The following MALRD1 variants were observed in gnomAD, a reference collection of about 807,000 sequenced individuals.
MALRD1 encodes MAM and LDL receptor class A domain containing 1, also known as MAM and LDL-receptor class A domain-containing protein 1.
MALRD1 carries 247 observed loss-of-function variants against 242.1 expected under a neutral mutation model. That is an observed-to-expected ratio of 1.02 (90% CI 0.92 to 1.13). The LOEUF (loss-of-function observed/expected upper bound fraction) is 1.13, where lower values mean the gene tolerates loss of function less well. MALRD1 is among the 50% of genes most tolerant of loss of function. MALRD1 has a pLI of 0.00. For synonymous variants in MALRD1, 995 were observed against 866.6 expected, an observed-to-expected ratio of 1.15 and a Z score of -2.60; for missense variants, 2,989 against 2,533.1, an observed-to-expected ratio of 1.18 and a Z score of -3.86.
Position 19,567,762 on chromosome 10 carries a change from A to C in MALRD1, c.5680+59A>C, listed in dbSNP as rs766879088. 257 of 1,407,400 alleles carry C rather than the reference A, an allele frequency of 1.8e-4. 1 individual carries two copies. Among genetic ancestry groups the C allele is most frequent in the Non-Finnish European group, 2.2e-4 (222 of 1,025,820 alleles). The allele number at this position is 1,407,400 out of a possible 1,614,324, so 87.2% of individuals were successfully genotyped here. ...TTTGTTTTTAGTATCTAAATATACT[A>C]AAGATTTGGGAATTTCTGAGGAATT... On this transcript the variant is annotated intron_variant, in intron 33 of 39. Transcript: ENST00000454679.
intron 29 of MALRD1, among the ~76,000 whole-genome samples, chr10:19,489,931 G>A (rs1390937328): frequency 6.6e-6 from 1 of 152,170 alleles, no homozygotes; most frequent in Non-Finnish European, 1.5e-5. Flanking sequence ...TTACTGTGCT[G>A]TGAAAGGTCA....
intron 7 of MALRD1, among the ~76,000 whole-genome samples, chr10:19,125,299 T>A (rs1228566748): frequency 0.011 from 554 of 50,252 alleles, 6 homozygotes; most frequent in Middle Eastern, 0.018. Flanking sequence ...CTTTCCTTCC[T>A]TCCTTCCTTC....
chr10:19,262,027 CTTAAA>C (rs1470134664), intron 19 of MALRD1, among the ~76,000 whole-genome samples: 1 of 152,010 alleles, frequency 6.6e-6, no homozygotes, highest in Non-Finnish European at 1.5e-5. Flanking sequence ...TTTTTATGCC[CTTAAA>C]TTAGTTTATT....
At chr10:19,655,528 G>C (rs1305425977) in intron 36 of MALRD1, among the ~76,000 whole-genome samples, 15 of 102,938 alleles carry the variant, frequency 1.5e-4, no homozygotes, top group African/African-American at 5.4e-4. Context: ...ATATGTGTGA[G>C]TGTATATATA....
intron 17 of MALRD1, 48 bp downstream of exon 17, chr10:19,205,313 T>G: frequency 6.8e-7 from 1 of 1,478,748 alleles, no homozygotes; most frequent in Non-Finnish European, 8.9e-7. Context: ...TTGAAAGTGT[T>G]GACCTTGATG....
At chr10:19,376,441 TGCTTCCCTCACAGTA>T (rs1845599661) in intron 26 of MALRD1, among the ~76,000 whole-genome samples, 1 of 151,830 alleles carries the variant, frequency 6.6e-6, no homozygotes, top group South Asian at 2.1e-4. Context: ...CATCAAAAAT[TGCTTCCCTCACAGTA>T]GCTGGGTAGA....
intron 38 of MALRD1, among the ~76,000 whole-genome samples, chr10:19,701,069 A>G (rs544260576): frequency 1.3e-5 from 2 of 152,280 alleles, no homozygotes; most frequent in East Asian, 3.9e-4. Context: ...GGATTGCTTG[A>G]GCCTGGGAGG....
intron 21 of MALRD1, among the ~76,000 whole-genome samples, chr10:19,283,864 G>C (rs897379081): frequency 1.3e-4 from 20 of 152,196 alleles, no homozygotes; most frequent in South Asian, 6.2e-4. Flanking sequence ...CCTACTGTGT[G>C]AGAACGCTGC....
At chr10:19,399,729 A>T (rs768318702) in intron 28 of MALRD1, among the ~76,000 whole-genome samples, 3 of 152,216 alleles carry the variant, frequency 2.0e-5, no homozygotes, top group Non-Finnish European at 4.4e-5. Flanking sequence ...GGGAATTTTA[A>T]TTAAAATAAA....
At chr10:19,317,000 C>A (rs1842733974) in intron 21 of MALRD1, among the ~76,000 whole-genome samples, 1 of 150,986 alleles carries the variant, frequency 6.6e-6, no homozygotes, top group African/African-American at 2.4e-5. Flanking sequence ...GCATGCATGC[C>A]TGTACCAAAA....
At chr10:19,170,333 A>G (rs1008780346) in intron 13 of MALRD1, among the ~76,000 whole-genome samples, 1 of 152,154 alleles carries the variant, frequency 6.6e-6, no homozygotes, top group Non-Finnish European at 1.5e-5. Flanking sequence ...TAGTATCTCA[A>G]GGTGGCACTT....
intron 34 of MALRD1, among the ~76,000 whole-genome samples, chr10:19,602,891 A>C (rs1838430103): frequency 6.6e-6 from 1 of 152,056 alleles, no homozygotes. Flanking sequence ...CGCCATTCTA[A>C]CTGGTGTGAG....
At chr10:19,547,278 T>A (rs552792398) in intron 32 of MALRD1, among the ~76,000 whole-genome samples, 1 of 152,198 alleles carries the variant, frequency 6.6e-6, no homozygotes, top group East Asian at 1.9e-4. Flanking sequence ...TAGCTATACG[T>A]TTTTTCAGTT....
At chr10:19,196,423 T>A (rs538251979) in intron 14 of MALRD1, among the ~76,000 whole-genome samples, 77 of 152,274 alleles carry the variant, frequency 5.1e-4, no homozygotes, top group Middle Eastern at 3.4e-3. Flanking sequence ...AAGCTACCAG[T>A]GACCTAGATC....
At chr10:19,321,121 T>C (rs1842899646) in intron 21 of MALRD1, among the ~76,000 whole-genome samples, 1 of 152,128 alleles carries the variant, frequency 6.6e-6, no homozygotes, top group Non-Finnish European at 1.5e-5. Context: ...GCTTTTGGTG[T>C]TCTTGTCATG....
At position 19,708,111 on chromosome 10, in the gene MALRD1, C is replaced by A. The variant is rs1220222397; in HGVS notation, c.6314+15557C>A. ...CCAGAGTATTATACTTAGGTGACTG[C>A]ACAGTTGATAATGCTGAGATCTGAA... On this transcript the variant is annotated intron_variant, in intron 38 of 39. Transcript: ENST00000454679. Among the ~76,000 whole-genome samples the A allele has an allele frequency of 1.1e-4, 13 of 118,260 alleles. 4 individuals carry two copies. Among genetic ancestry groups the A allele is most frequent in the African/African-American group, 3.5e-4 (13 of 37,310 alleles). The allele number at this position is 118,260 out of a possible 152,430, so 77.6% of individuals were successfully genotyped here. A position where few individuals can be genotyped will look rare whatever the true frequency, so the allele number is the denominator to read the frequency against.
chr10:19,516,501 A>G lies in MALRD1; in HGVS notation c.5321-14693A>G, dbSNP rs182887627. ...TAATTTATTAAAGATTTAGAGTCAAATTCTTTTTCTTGTCCGTGGAACAAG... is the reference window on the plus strand; with the variant it reads ...TAATTTATTAAAGATTTAGAGTCAAGTTCTTTTTCTTGTCCGTGGAACAAG... On this transcript the variant is annotated intron_variant, in intron 31 of 39. Transcript: ENST00000454679. Among the ~76,000 whole-genome samples, 321 of 152,298 alleles carry G rather than the reference A, an allele frequency of 2.1e-3. 1 individual carries two copies. The highest frequency in any genetic ancestry group is 6.8e-3 in the Middle Eastern group (2 of 294).
At chr10:19,517,655 A>G (rs1373588744) in intron 31 of MALRD1, among the ~76,000 whole-genome samples, 1 of 152,212 alleles carries the variant, frequency 6.6e-6, no homozygotes, top group East Asian at 1.9e-4. Flanking sequence ...AATTTTATGT[A>G]GTAACCTTAC....
At position 19,681,850 on chromosome 10, in the gene MALRD1, G is replaced by T. The variant is rs546174956; in HGVS notation, c.6138-10432G>T. On this transcript the variant is annotated intron_variant, in intron 36 of 39. Transcript: ENST00000454679. ...ACCTTTGGATGGGGTTTTTGTGGGG[G>T]AATGTCACTTTTTTTTTTTTTTTTT... Among the ~76,000 whole-genome samples, 414 of 131,680 alleles carry T rather than the reference G, an allele frequency of 3.1e-3. 2 individuals carry two copies. Among genetic ancestry groups the T allele is most frequent in the African/African-American group, 0.012 (408 of 35,184 alleles). The allele number at this position is 131,680 out of a possible 152,430, so 86.4% of individuals were successfully genotyped here. A position where few individuals can be genotyped will look rare whatever the true frequency, so the allele number is the denominator to read the frequency against.
Sources: allele counts gnomAD v4.1 joint callset (sites outside exome capture counted in the v4.1 genomes callset), GRCh38; gene constraint gnomAD v4.1.1; transcripts MANE v1.5; gene names NCBI Gene and HGNC (gene_info 2026-07-23, HGNC 2026-07-21).